Variants in KCTD16 observed in about 807,000 individuals in gnomAD.
KCTD16 encodes BTB/POZ domain-containing protein KCTD16.
KCTD16 carries 13 observed loss-of-function variants against 33.2 expected under a neutral mutation model. That is an observed-to-expected ratio of 0.39 (90% confidence interval 0.25 to 0.62). The LOEUF (loss-of-function observed/expected upper bound fraction) is 0.62, where lower values mean the gene tolerates loss of function less well. Ranked by LOEUF, KCTD16 falls within the 20% of genes least tolerant of loss-of-function variation. KCTD16 has a pLI of 0.50. For synonymous variants in KCTD16, 197 were observed against 195.3 expected, an observed-to-expected ratio of 1.01 and a Z score of -0.07; for missense variants, 441 against 525.1, an observed-to-expected ratio of 0.84 and a Z score of 1.57.
At chr5:144,220,938 C>A (rs2126803381) in intron 3 of KCTD16, among the ~76,000 whole-genome samples, 2 of 137,936 alleles carry the variant, frequency 1.4e-5, no homozygotes, top group Middle Eastern at 3.7e-3. Context: ...GAGACTACGT[C>A]TCAAAAAAAA....
intron 3 of KCTD16, among the ~76,000 whole-genome samples, chr5:144,375,435 G>C (rs1159599035): frequency 1.3e-5 from 2 of 152,102 alleles, no homozygotes; most frequent in Non-Finnish European, 2.9e-5. Flanking sequence ...AAAAACATGA[G>C]AAAAAGTCAT....
chr5:144,311,393 G>T (rs1024924890), intron 3 of KCTD16, among the ~76,000 whole-genome samples: 1 of 152,128 alleles, frequency 6.6e-6, no homozygotes, highest in Admixed American at 6.6e-5. Flanking sequence ...TCAGTGAAAG[G>T]ATAATTATTA....
intron 3 of KCTD16, among the ~76,000 whole-genome samples, chr5:144,433,490 A>AT (rs1456414649): frequency 1.3e-5 from 2 of 152,062 alleles, no homozygotes; most frequent in African/African-American, 4.8e-5. Context: ...ATAACATCTG[A>AT]TTTTTTTAAA....
At chr5:144,442,882 TC>T (rs1580969076) in intron 3 of KCTD16, among the ~76,000 whole-genome samples, 3 of 148,558 alleles carry the variant, frequency 2.0e-5, no homozygotes. Context: ...CAAGTGGAAG[TC>T]CCTGGTTTTT....
intron 3 of KCTD16, among the ~76,000 whole-genome samples, chr5:144,464,677 C>T (rs962102730): frequency 6.8e-6 from 1 of 148,040 alleles, no homozygotes; most frequent in Non-Finnish European, 1.5e-5. Flanking sequence ...TCCTCCTCCT[C>T]ATCCTCCTCT....
chr5:144,422,907 A>G (rs1753242477), intron 3 of KCTD16, among the ~76,000 whole-genome samples: 1 of 152,168 alleles, frequency 6.6e-6, no homozygotes, highest in Non-Finnish European at 1.5e-5. Flanking sequence ...GCAAGTGTTT[A>G]GTGAGCATCT....
intron 2 of KCTD16, among the ~76,000 whole-genome samples, chr5:144,175,077 A>G (rs1355350830): frequency 3.3e-5 from 5 of 152,236 alleles, no homozygotes; most frequent in Non-Finnish European, 5.9e-5. Context: ...TGCCAAAGGT[A>G]AAAATGAAGC....
At chr5:144,414,509 C>G (rs948735338) in intron 3 of KCTD16, among the ~76,000 whole-genome samples, 4 of 152,180 alleles carry the variant, frequency 2.6e-5, no homozygotes, top group African/African-American at 9.7e-5. Flanking sequence ...CAGGCAGGGA[C>G]AATGTCTTCT....
chr5:144,328,562 G>A (rs866363843), intron 3 of KCTD16, among the ~76,000 whole-genome samples: 3 of 151,046 alleles, frequency 2.0e-5, no homozygotes, highest in East Asian at 3.9e-4. Context: ...GTATTCCTGC[G>A]AAATTAAGTG....
intron 3 of KCTD16, among the ~76,000 whole-genome samples, chr5:144,442,450 C>CTTTCTTTCTTTCTTTCTTTCTTTCT (rs1554095073): frequency 3.4e-5 from 5 of 147,762 alleles, no homozygotes; most frequent in African/African-American, 1.3e-4. Context: ...TCTTTTCTTT[C>CTTTCTTTCTTTCTTTCTTTCTTTCT]TTCTTTCTTT....
At chr5:144,427,876 G>A (rs1753369478) in intron 3 of KCTD16, among the ~76,000 whole-genome samples, 4 of 152,110 alleles carry the variant, frequency 2.6e-5, no homozygotes, top group Admixed American at 2.6e-4. Flanking sequence ...CCTAGTTTGT[G>A]AATTGGATTA....
chr5:144,217,605 T>C (rs1753604649), intron 3 of KCTD16, among the ~76,000 whole-genome samples: 1 of 152,190 alleles, frequency 6.6e-6, no homozygotes, highest in South Asian at 2.1e-4. Context: ...TGCTTCACAC[T>C]TATTGAGGAC....
chr5:144,206,729 A>T lies in KCTD16; in HGVS notation c.15A>T (p.Gly5=). The change falls in exon 3 of 4, where the codon GGA becomes GGT. Residue 5 remains glycine (G), a synonymous_variant. Transcript: ENST00000512467. MALS[G]NCSRYYPREQ... ...AGAAAGGGACAATGGCTCTGAGTGG[A>T]AACTGTAGTCGTTATTATCCTCGAG... The T allele has an allele frequency of 6.2e-7, 1 of 1,612,846 alleles. No homozygotes were observed. The highest frequency in any genetic ancestry group is 1.1e-5 in the South Asian group (1 of 90,946).
At chr5:144,352,061 C>A (rs138980924) in intron 3 of KCTD16, among the ~76,000 whole-genome samples, 1 of 152,056 alleles carries the variant, frequency 6.6e-6, no homozygotes, top group East Asian at 1.9e-4. Flanking sequence ...TATATGTGTT[C>A]GTGCATGTGT....
chr5:144,412,579 T>C (rs904829912), intron 3 of KCTD16, among the ~76,000 whole-genome samples: 5 of 152,082 alleles, frequency 3.3e-5, no homozygotes, highest in African/African-American at 7.2e-5. Flanking sequence ...TACAGTTTAA[T>C]AGAAGAAGAT....
At chr5:144,434,354 A>C (rs1413738197) in intron 3 of KCTD16, among the ~76,000 whole-genome samples, 1 of 152,100 alleles carries the variant, frequency 6.6e-6, no homozygotes, top group African/African-American at 2.4e-5. Flanking sequence ...TTAATAGCTA[A>C]ATTAATTGTA....
intron 3 of KCTD16, among the ~76,000 whole-genome samples, chr5:144,296,106 A>T (rs369063891): frequency 1.3e-5 from 2 of 152,194 alleles, no homozygotes; most frequent in East Asian, 3.8e-4. Flanking sequence ...GCTTTCTGCT[A>T]TTGCATGCAA....
At chr5:144,433,434 G>A (rs1276056199) in intron 3 of KCTD16, among the ~76,000 whole-genome samples, 1 of 151,962 alleles carries the variant, frequency 6.6e-6, no homozygotes, top group Non-Finnish European at 1.5e-5. Context: ...CAGAGACACC[G>A]GATTTTCTGA....
chr5:144,248,616 C>T (rs1281028354), intron 3 of KCTD16, among the ~76,000 whole-genome samples: 1 of 152,108 alleles, frequency 6.6e-6, no homozygotes, highest in East Asian at 1.9e-4. Flanking sequence ...AACAGGGAGA[C>T]CCATTAGGAG....
Sources: allele counts gnomAD v4.1 joint callset (sites outside exome capture counted in the v4.1 genomes callset), GRCh38; gene constraint gnomAD v4.1.1; transcripts MANE v1.5; gene names NCBI Gene and HGNC (gene_info 2026-07-23, HGNC 2026-07-21).